Variants in SLC38A2 observed in about 807,000 individuals in gnomAD.
SLC38A2 encodes sodium-coupled neutral amino acid symporter 2.
A neutral mutation model predicts 61.5 loss-of-function variants in SLC38A2; 11 were observed. That is an observed-to-expected ratio of 0.18 (90% CI 0.11 to 0.30). The LOEUF (loss-of-function observed/expected upper bound fraction) is 0.30, where lower values mean the gene tolerates loss of function less well. Ranked by LOEUF, SLC38A2 falls within the 10% of genes least tolerant of loss-of-function variation. The probability of loss-of-function intolerance (pLI) is 1.00; values close to 1 mark genes in which losing one functional copy is unlikely to be tolerated. For synonymous variants in SLC38A2, 217 were observed against 212.5 expected (o/e 1.02, Z -0.18); for missense variants, 522 against 600.4 (o/e 0.87, Z 1.36).
Position 46,361,207 on chromosome 12 carries a change from A to G in SLC38A2, c.1425T>C (p.Ala475=). The change falls in exon 16 of 16, where the codon GCT becomes GCC. Residue 475 remains alanine (A), a splice_region_variant and synonymous_variant. Coordinates refer to ENST00000256689, the MANE Select transcript of SLC38A2 (RefSeq NM_018976.5). The stretch of plus-strand genomic sequence containing the variant: ...GTACACCACTTAACAGGAAGAACAA[A>G]GCCTGCAAAGAGCATAGAGAAAATT... ...EPMKSVQKIG[A]LFFLLSGVLV... The G allele has an allele frequency of 6.2e-7, 1 of 1,612,830 alleles. No homozygotes were observed. The highest frequency in any genetic ancestry group is 8.5e-7 in the Non-Finnish European group (1 of 1,179,224).
chr12:46,361,016 A>T lies in SLC38A2; in HGVS notation c.*95T>A. The T allele has an allele frequency of 1.1e-6, 1 of 911,860 alleles. No individual in the cohort carries two copies. The highest frequency in any genetic ancestry group is 1.7e-6 in the Non-Finnish European group (1 of 582,854). 56.5% of individuals were successfully genotyped at this position (911,860 alleles called of 1,614,324 possible). A position where few individuals can be genotyped will look rare whatever the true frequency, so the allele number is the denominator to read the frequency against. ...AGCGAGGAATCTGCACTTCAAAAGG[A>T]AGTGAAACTGAAAACATTAGGTGAA... is the stretch of plus-strand genomic sequence containing the variant. On this transcript the variant is annotated 3_prime_UTR_variant, in exon 16 of 16. Transcript: ENST00000256689.
chr12:46,363,715 G>A lies in SLC38A2; in HGVS notation c.1054+11C>T, dbSNP rs756438665. ...TTTTGTTTTTGTTTTGGTAAAGGAG[G>A]CGTTACTTACCGTAAAATGTTAGGT... On this transcript the variant is annotated intron_variant, in intron 12 of 15. Transcript: ENST00000256689. 1 of 1,520,496 alleles carries A rather than the reference G, an allele frequency of 6.6e-7. No individual in the cohort carries two copies. The highest frequency in any genetic ancestry group is 8.8e-7 in the Non-Finnish European group (1 of 1,132,888). The allele number at this position is 1,520,496 out of a possible 1,614,324, so 94.2% of individuals were successfully genotyped here.
chr12:46,371,134 A>G (rs991402022), intron 2 of SLC38A2, 44 bp downstream of exon 2: 1 of 1,550,826 alleles, frequency 6.4e-7, no homozygotes, highest in East Asian at 2.2e-5. Context: ...CCTGAACCCA[A>G]CCCATGCAAG....
At chr12:46,364,807 CA>C in intron 8 of SLC38A2, 105 bp from the exon 9 acceptor site, 24 of 1,091,262 alleles carry the variant, frequency 2.2e-5, no homozygotes, top group Non-Finnish European at 3.0e-5. Flanking sequence ...AGACTTTAGG[CA>C]CTAAAGTATG....
chr12:46,367,426 A>C, intron 4 of SLC38A2, 86 bp from the exon 5 acceptor site: 1 of 792,208 alleles, frequency 1.3e-6, no homozygotes, highest in Non-Finnish European at 2.2e-6. Context: ...AAATAACATT[A>C]TGTGTGCAAC....
At position 46,365,016 on chromosome 12, in the gene SLC38A2, C is replaced by T. The variant is rs939827494; in HGVS notation, c.646+91G>A. 7 of 1,216,982 alleles carry T rather than the reference C, an allele frequency of 5.8e-6. No individual in the cohort carries two copies. The African/African-American group carries it at 1.1e-4, about 19-fold the overall frequency. 75.4% of individuals were successfully genotyped at this position (1,216,982 alleles called of 1,614,324 possible). A position where few individuals can be genotyped will look rare whatever the true frequency, so the allele number is the denominator to read the frequency against. On this transcript the variant is annotated intron_variant, in intron 8 of 15. Coordinates refer to ENST00000256689, the MANE Select transcript of SLC38A2 (RefSeq NM_018976.5). ...AGATATACCTTTCTACTTTCTAGGG[C>T]TTTTTCATTCTGATTAATTTCTATT... is the stretch of plus-strand genomic sequence containing the variant.
chr12:46,371,408 C>G (rs1943197853), intron 1 of SLC38A2, 29 bp from the exon 2 acceptor site: 2 of 781,216 alleles, frequency 2.6e-6, no homozygotes, highest in Non-Finnish European at 2.1e-6. Context: ...CGCGTCAGGA[C>G]CGCAGCGCCA....
chr12:46,372,397 A>G, intron 1 of SLC38A2, 112 bp downstream of exon 1: 1 of 302,560 alleles, frequency 3.3e-6, no homozygotes, highest in Non-Finnish European at 6.0e-6. Context: ...GCCCGCCTCG[A>G]AAGGAAACGG....
At chr12:46,363,196 A>C in intron 12 of SLC38A2, 51 bp from the exon 13 acceptor site, 1 of 1,592,110 alleles carries the variant, frequency 6.3e-7, no homozygotes, top group Non-Finnish European at 8.6e-7. Context: ...ATTGGACACC[A>C]AGTAGAAAAT....
chr12:46,366,047 T>G (rs776535767), intron 7 of SLC38A2, among the ~76,000 whole-genome samples: 10 of 152,176 alleles, frequency 6.6e-5, no homozygotes, highest in Non-Finnish European at 1.5e-4. Context: ...TTTGACGTAA[T>G]GAGCTGCACA....
intron 7 of SLC38A2, among the ~76,000 whole-genome samples, chr12:46,366,478 G>C (rs1943139472): frequency 6.6e-6 from 1 of 152,036 alleles, no homozygotes; most frequent in African/African-American, 2.4e-5. Context: ...ATTTTGCATT[G>C]AACAGATTAA....
At position 46,358,402 on chromosome 12, in the gene SLC38A2, T is replaced by A. The variant is rs1943044452; in HGVS notation, c.*2709A>T. 1 of 152,532 alleles carries A rather than the reference T, an allele frequency of 6.6e-6. No individual in the cohort carries two copies. The highest frequency in any genetic ancestry group is 1.5e-5 in the Non-Finnish European group (1 of 67,956). The allele number at this position is 152,532 out of a possible 1,614,324, so 9.4% of individuals were successfully genotyped here. A position where few individuals can be genotyped will look rare whatever the true frequency, so the allele number is the denominator to read the frequency against. On this transcript the variant is annotated 3_prime_UTR_variant, in exon 16 of 16. Transcript: ENST00000256689. The stretch of plus-strand genomic sequence containing the variant: ...TCACATTTTATTTCATTACACTAGA[T>A]CACATTTTGATTACTGCATTTTGAA...
Position 46,364,486 on chromosome 12 carries a change from G to T in SLC38A2, c.776C>A (p.Thr259Asn). 1 of 1,612,726 alleles carries T rather than the reference G, an allele frequency of 6.2e-7. No homozygotes were observed. Among genetic ancestry groups the T allele is most frequent in the Non-Finnish European group, 8.5e-7 (1 of 1,179,358 alleles). The part of the protein sequence containing the change: ...AALIINETIN[T>N]TLTQPTALVP... Reference sequence around the variant, plus strand: ...AAGAGCTGTTGGCTGTGTTAAGGTGGTGTTTATTGTTTCGTTAATTATCAA... The same window carrying T: ...AAGAGCTGTTGGCTGTGTTAAGGTGTTGTTTATTGTTTCGTTAATTATCAA... Residue 259 changes from threonine to asparagine, a missense_variant, in exon 10 of 16, where the codon ACC (threonine) becomes AAC (asparagine). Physicochemically the swap from Thr to Asn is moderately conservative, Grantham distance 65. This residue lies in a region of SLC38A2 where 309 missense variants were observed against 343.9 expected (regional missense o/e 0.90). Coordinates refer to ENST00000256689, the MANE Select transcript of SLC38A2 (RefSeq NM_018976.5).
At chr12:46,371,138 A>T (rs980233055) in intron 2 of SLC38A2, 40 bp downstream of exon 2, 39 of 1,571,990 alleles carry the variant, frequency 2.5e-5, no homozygotes, top group Non-Finnish European at 3.0e-5. Flanking sequence ...AACCCAACCC[A>T]TGCAAGCCGT....
intron 2 of SLC38A2, 126 bp from the exon 3 acceptor site, chr12:46,370,983 A>G (rs1943190273): frequency 2.4e-6 from 2 of 845,476 alleles, no homozygotes; most frequent in Middle Eastern, 2.2e-4. Context: ...TACTTAATGT[A>G]TAAATATTAA....
Position 46,360,633 on chromosome 12 carries a change from T to TA in SLC38A2, c.*477dup, listed in dbSNP as rs373206072. 6.5e-6 allele frequency: 1 copy of TA among 152,940 alleles called. No homozygotes were observed. The highest frequency in any genetic ancestry group is 1.5e-5 in the Non-Finnish European group (1 of 68,290). 9.5% of individuals were successfully genotyped at this position (152,940 alleles called of 1,614,324 possible). On this transcript the variant is annotated 3_prime_UTR_variant, in exon 16 of 16. Coordinates refer to ENST00000256689, the MANE Select transcript of SLC38A2 (RefSeq NM_018976.5). ...GTTCAAAAAAGCAATTTCTTAAAAG[T>TA]AAAAGAGTGCTTCTGAGGTCTTTAA...
At chr12:46,367,228 GTAT>G (rs1565829057) in intron 5 of SLC38A2, 36 bp downstream of exon 5, 1 of 1,571,914 alleles carries the variant, frequency 6.4e-7, no homozygotes. Context: ...AAAATGATAG[GTAT>G]ACATTGTTTT....
chr12:46,371,491 A>AGTACCAGC, intron 1 of SLC38A2, 112 bp from the exon 2 acceptor site: 2 of 546,776 alleles, frequency 3.7e-6, no homozygotes. Context: ...CGAGTGGAAA[A>AGTACCAGC]GTACCAGCCG....
intron 4 of SLC38A2, among the ~76,000 whole-genome samples, chr12:46,369,528 A>G (rs1221076191): frequency 2.6e-5 from 4 of 152,332 alleles, no homozygotes; most frequent in African/African-American, 9.6e-5. Flanking sequence ...ACAAAGGGAC[A>G]ATTCCATGCT....
Sources: gnomAD v4.1 joint callset for allele counts (sites outside exome capture counted in the v4.1 genomes callset) on GRCh38, gnomAD v4.1.1 for gene constraint, gnomAD v4.1.1 regional missense constraint, MANE v1.5 for transcripts, NCBI Gene and HGNC (gene_info 2026-07-23, HGNC 2026-07-21) for gene names.